BAZ1B: variants seen among roughly 807,000 people sequenced by gnomAD.
The protein encoded by BAZ1B is bromodomain adjacent to zinc finger domain 1B, also known as tyrosine-protein kinase BAZ1B.
A neutral mutation model predicts 153.8 loss-of-function variants in BAZ1B; 22 were observed. That is an observed-to-expected ratio of 0.14 (90% CI 0.10 to 0.20). The LOEUF is 0.20. Among genes scored for constraint, BAZ1B ranks in the 10% least tolerant of loss-of-function variants. The pLI is 1.00. For synonymous variants in BAZ1B, 676 were observed against 633.4 expected, an observed-to-expected ratio of 1.07 and a Z score of -1.01; for missense variants, 1,325 against 1,799.3, an observed-to-expected ratio of 0.74 and a Z score of 4.77.
At chr7:73,447,723 G>GTAA (rs1286587462) in intron 15 of BAZ1B, among the ~76,000 whole-genome samples, 3 of 152,274 alleles carry the variant, frequency 2.0e-5, no homozygotes, top group Non-Finnish European at 4.4e-5. Context: ...GCCAGATAAT[G>GTAA]TAATACATCA....
intron 5 of BAZ1B, among the ~76,000 whole-genome samples, chr7:73,490,401 A>G (rs1362909847): frequency 2.0e-5 from 3 of 152,144 alleles, no homozygotes; most frequent in Non-Finnish European, 2.9e-5. Context: ...AATACAAAAA[A>G]ATTTTTTTTA....
intron 3 of BAZ1B, among the ~76,000 whole-genome samples, chr7:73,506,171 T>C (rs1563399472): frequency 6.6e-6 from 1 of 152,162 alleles, no homozygotes; most frequent in South Asian, 2.1e-4. Context: ...ACTTTTGTAA[T>C]AGTTATCCTT....
At chr7:73,474,131 G>A (rs141709571) in intron 7 of BAZ1B, among the ~76,000 whole-genome samples, 2 of 152,098 alleles carry the variant, frequency 1.3e-5, no homozygotes, top group Non-Finnish European at 2.9e-5. Context: ...ATAAGCCAAC[G>A]TATCCTACAG....
intron 3 of BAZ1B, among the ~76,000 whole-genome samples, chr7:73,505,248 C>A (rs1790289144): frequency 6.6e-6 from 1 of 152,118 alleles, no homozygotes; most frequent in South Asian, 2.1e-4. Context: ...TTTTCTTAGC[C>A]TGCTTTGATA....
intron 11 of BAZ1B, among the ~76,000 whole-genome samples, chr7:73,464,757 G>A (rs149921173): frequency 5.3e-4 from 81 of 152,054 alleles, no homozygotes; most frequent in East Asian, 2.1e-3. Flanking sequence ...ACAGCATCTC[G>A]CTCTCTCACC....
chr7:73,447,074 C>T (rs543223214), intron 16 of BAZ1B, among the ~76,000 whole-genome samples, 190 bp downstream of exon 16: 1 of 152,174 alleles, frequency 6.6e-6, no homozygotes, highest in Non-Finnish European at 1.5e-5. Flanking sequence ...TCTCTCCCAC[C>T]AGGCAGGAAG....
chr7:73,495,920 A>G (rs1389828938), intron 4 of BAZ1B, among the ~76,000 whole-genome samples: 1 of 152,206 alleles, frequency 6.6e-6, no homozygotes, highest in Non-Finnish European at 1.5e-5. Flanking sequence ...CACTTGGGTG[A>G]TGAAATAATT....
At chr7:73,451,643 T>C (rs1788030245) in intron 13 of BAZ1B, among the ~76,000 whole-genome samples, 2 of 152,188 alleles carry the variant, frequency 1.3e-5, no homozygotes, top group South Asian at 2.1e-4. Context: ...ATAAGTAATA[T>C]AAACACACAT....
rs1787578790 is a variant in BAZ1B at position 73,440,687 on chromosome 7, G to A, written c.*1022C>T. 6.6e-6 allele frequency: 1 copy of A among 152,386 alleles called. No individual in the cohort carries two copies. Among genetic ancestry groups the A allele is most frequent in the Admixed American group, 6.5e-5 (1 of 15,270 alleles). The allele number at this position is 152,386 out of a possible 1,614,324, so 9.4% of individuals were successfully genotyped here. ...GACGGTAAACTACCCAGCAGCCCTGGAGCAATCCTCGTCGTCCTTGGGCAG... is the reference window on the plus strand; with the variant it reads ...GACGGTAAACTACCCAGCAGCCCTGAAGCAATCCTCGTCGTCCTTGGGCAG... On this transcript the variant is annotated 3_prime_UTR_variant, in exon 20 of 20. Coordinates refer to ENST00000339594, the MANE Select transcript of BAZ1B (RefSeq NM_032408.4).
At chr7:73,488,701 C>G (rs945796968) in intron 6 of BAZ1B, among the ~76,000 whole-genome samples, 1 of 142,940 alleles carries the variant, frequency 7.0e-6, no homozygotes, top group Non-Finnish European at 1.5e-5. Context: ...GGTGACAGAG[C>G]GAGACTCCAA....
At chr7:73,476,394 AG>A (rs1168234749) in intron 7 of BAZ1B, among the ~76,000 whole-genome samples, 1 of 152,248 alleles carries the variant, frequency 6.6e-6, no homozygotes, top group Non-Finnish European at 1.5e-5. Flanking sequence ...TAAATCTTAA[AG>A]GACAGATTAC....
At chr7:73,500,944 T>C (rs1790106442) in intron 3 of BAZ1B, among the ~76,000 whole-genome samples, 1 of 138,902 alleles carries the variant, frequency 7.2e-6, no homozygotes, top group Admixed American at 7.3e-5. Context: ...ACCCTTATGA[T>C]AAATCCAAAA....
intron 6 of BAZ1B, among the ~76,000 whole-genome samples, chr7:73,482,064 G>T (rs140817490): frequency 0.013 from 1,907 of 152,124 alleles, 42 homozygotes; most frequent in African/African-American, 0.044. Context: ...CAAACAAAAA[G>T]AAACTGGAAT....
chr7:73,477,140 G>A lies in BAZ1B; in HGVS notation c.2321C>T (p.Ala774Val). The A allele has an allele frequency of 6.2e-7, 1 of 1,614,006 alleles. No homozygotes were observed. The highest frequency in any genetic ancestry group is 8.5e-7 in the Non-Finnish European group (1 of 1,180,002). The change falls in exon 7 of 20, where the codon GCA becomes GTA. Residue 774 changes from alanine to valine, a missense_variant. Ala to Val is a moderately conservative substitution (Grantham distance 64, BLOSUM62 0). Coordinates refer to ENST00000339594, the MANE Select transcript of BAZ1B (RefSeq NM_032408.4). The surrounding 1 kb of genome is among the most constrained non-coding windows in gnomAD (Gnocchi z 5.6). ...AGCAAGCCGTTCCTTCCACAACTCT[G>A]CAGACATCTGCTGTCTGGTCTCCAT... ...DHMETRQQMS[A>V]ELWKERLAVL...
intron 1 of BAZ1B, among the ~76,000 whole-genome samples, chr7:73,514,804 G>A (rs182923381): frequency 3.9e-4 from 60 of 151,988 alleles, no homozygotes; most frequent in South Asian, 2.7e-3. Flanking sequence ...AGATTAGCCC[G>A]GGCATGGTGG....
chr7:73,520,251 G>A (rs370484984), intron 1 of BAZ1B, among the ~76,000 whole-genome samples: 1 of 150,028 alleles, frequency 6.7e-6, no homozygotes, highest in East Asian at 2.0e-4. Context: ...TCGGTATAAT[G>A]CAGTATTTGG....
In BAZ1B at chr7:73,444,051, T is replaced by C; in HGVS notation, c.3923A>G (p.Lys1308Arg). The C allele has an allele frequency of 6.2e-7, 1 of 1,613,784 alleles. No individual in the cohort carries two copies. Among genetic ancestry groups the C allele is most frequent in the Non-Finnish European group, 8.5e-7 (1 of 1,179,848 alleles). The change falls in exon 17 of 20, where the codon AAG (lysine) becomes AGG (arginine). Residue 1308 changes from lysine to arginine, a missense_variant. Transcript: ENST00000339594. Reference sequence around the variant, plus strand: ...CTGAGACCTCCTGGTAGAGTGTGGCTTCTTACCCGGGCGCCGGCCTGACCT... The same window carrying C: ...CTGAGACCTCCTGGTAGAGTGTGGCCTCTTACCCGGGCGCCGGCCTGACCT... ...AARSGRRPGKKPHSTRRSQPK... is the reference protein window; with the variant it reads ...AARSGRRPGKRPHSTRRSQPK...
intron 3 of BAZ1B, among the ~76,000 whole-genome samples, chr7:73,501,584 G>A (rs1466708039): frequency 1.3e-5 from 2 of 152,102 alleles, no homozygotes; most frequent in Non-Finnish European, 2.9e-5. Flanking sequence ...ACAATGCACA[G>A]GACAGCACCC....
chr7:73,511,750 G>A (rs1790587272), intron 1 of BAZ1B, among the ~76,000 whole-genome samples: 1 of 151,394 alleles, frequency 6.6e-6, no homozygotes, highest in Non-Finnish European at 1.5e-5. Flanking sequence ...GCCAGGCGTG[G>A]TGGCTCACGC....
Sources: allele counts gnomAD v4.1 joint callset (sites outside exome capture counted in the v4.1 genomes callset), GRCh38; gene constraint gnomAD v4.1.1; non-coding constraint Gnocchi (gnomAD v3.1); transcripts MANE v1.5; gene names NCBI Gene and HGNC (gene_info 2026-07-23, HGNC 2026-07-21).